Variants in PEX5L observed in about 807,000 individuals in gnomAD.
The protein encoded by PEX5L is PEX5-related protein.
PEX5L carries 30 observed loss-of-function variants against 84.0 expected under a neutral mutation model. The ratio of observed to expected loss-of-function variants is 0.36; its 90% confidence interval spans 0.27 to 0.48. The LOEUF (loss-of-function observed/expected upper bound fraction) is 0.48, where lower values mean the gene tolerates loss of function less well. PEX5L is among the 20% of genes least tolerant of loss of function. The pLI is 0.99. For synonymous variants in PEX5L, 270 were observed against 283.1 expected (o/e 0.95, Z 0.46); for missense variants, 533 against 754.6 (o/e 0.71, Z 3.44).
At chr3:179,818,252 TTC>T (rs1726937071) in intron 9 of PEX5L, among the ~76,000 whole-genome samples, 1 of 151,884 alleles carries the variant, frequency 6.6e-6, no homozygotes. Flanking sequence ...TATATAGTTT[TTC>T]TTTTATTCTT....
intron 1 of PEX5L, among the ~76,000 whole-genome samples, chr3:180,001,682 CTA>C (rs1788432579): frequency 6.6e-6 from 1 of 151,982 alleles, no homozygotes; most frequent in Non-Finnish European, 1.5e-5. Context: ...TTTTAATAAA[CTA>C]TTTTATGCAT....
At chr3:179,903,895 A>T (rs1428398896) in intron 2 of PEX5L, among the ~76,000 whole-genome samples, 1 of 152,252 alleles carries the variant, frequency 6.6e-6, no homozygotes, top group Non-Finnish European at 1.5e-5. Context: ...AAATTTTGAC[A>T]TACTGGTCAA....
chr3:179,948,529 C>T (rs1372542976), intron 2 of PEX5L, among the ~76,000 whole-genome samples: 1 of 152,172 alleles, frequency 6.6e-6, no homozygotes, highest in African/African-American at 2.4e-5. Flanking sequence ...AACAGGAAGG[C>T]AGCATGGGAG....
At chr3:179,942,968 T>A (rs1776560591) in intron 2 of PEX5L, among the ~76,000 whole-genome samples, 1 of 152,234 alleles carries the variant, frequency 6.6e-6, no homozygotes, top group Non-Finnish European at 1.5e-5. Context: ...TGCAGTAATG[T>A]CCTCTGAACC....
chr3:180,013,085 A>C (rs1251759765), intron 1 of PEX5L, among the ~76,000 whole-genome samples: 1 of 152,196 alleles, frequency 6.6e-6, no homozygotes, highest in Admixed American at 6.5e-5. Flanking sequence ...CATTTTAGGA[A>C]AAGTGATCAG....
intron 2 of PEX5L, among the ~76,000 whole-genome samples, chr3:179,952,538 A>G (rs1415197778): frequency 6.6e-6 from 1 of 152,116 alleles, no homozygotes; most frequent in Non-Finnish European, 1.5e-5. Context: ...CATACATCGT[A>G]TCTATTCAAC....
chr3:179,956,588 T>G (rs1486511943), intron 2 of PEX5L, among the ~76,000 whole-genome samples: 2 of 152,210 alleles, frequency 1.3e-5, no homozygotes, highest in African/African-American at 4.8e-5. Flanking sequence ...CTAAGTTTCA[T>G]GTGGCTGTAA....
In PEX5L at chr3:180,036,060, T is replaced by C. The variant is rs116561483; in HGVS notation, c.21+519A>G. ...ATCCTCCCAAGTCATCCTGTGACTA[T>C]TGGAGTAGATGGCAATGTCCCATAA... On this transcript the variant is annotated intron_variant, in intron 1 of 14. Coordinates refer to ENST00000467460, the MANE Select transcript of PEX5L (RefSeq NM_016559.3). Among the ~76,000 whole-genome samples the C allele has an allele frequency of 4.5e-3, 692 of 152,338 alleles. 6 individuals are homozygous for C. The highest frequency in any genetic ancestry group is 0.016 in the African/African-American group (658 of 41,578).
chr3:179,902,662 A>T (rs1560617421), intron 2 of PEX5L: 1 of 456,566 alleles, frequency 2.2e-6, no homozygotes, highest in Non-Finnish European at 4.4e-6. Flanking sequence ...TTTTACTAAG[A>T]CTTTCTTGAG....
intron 2 of PEX5L, among the ~76,000 whole-genome samples, chr3:179,957,259 G>A (rs1205269254): frequency 1.3e-5 from 2 of 152,142 alleles, no homozygotes; most frequent in Non-Finnish European, 1.5e-5. Context: ...CAAAATTTCT[G>A]GAGAAAGGTT....
intron 3 of PEX5L, among the ~76,000 whole-genome samples, chr3:179,897,132 G>A (rs1056287401): frequency 6.6e-6 from 1 of 152,108 alleles, no homozygotes; most frequent in Middle Eastern, 3.2e-3. Flanking sequence ...AGCTGGGGAT[G>A]AGATCCGCTG....
intron 7 of PEX5L, among the ~76,000 whole-genome samples, chr3:179,859,662 TTC>T (rs1309225171): frequency 6.6e-6 from 1 of 152,216 alleles, no homozygotes; most frequent in African/African-American, 2.4e-5. Context: ...TCATGCATAG[TTC>T]TCTTCCTTCT....
Position 179,840,346 on chromosome 3 carries a change from G to C in PEX5L, c.822+18716C>G, listed in dbSNP as rs138543192. On this transcript the variant is annotated intron_variant, in intron 8 of 14. Coordinates refer to ENST00000467460, the MANE Select transcript of PEX5L (RefSeq NM_016559.3). Reference sequence around the variant, plus strand: ...TGGGATTATAGGCATGTGCCACCATGCCTAGCTAATTTTTGTGTTTTCAGT... The same window carrying C: ...TGGGATTATAGGCATGTGCCACCATCCCTAGCTAATTTTTGTGTTTTCAGT... 1.8e-4 allele frequency among the ~76,000 whole-genome samples: 28 copies of C among 151,870 alleles called. No individual in the cohort carries two copies. The East Asian group carries it at 5.4e-3, about 30-fold the overall frequency.
intron 6 of PEX5L, 136 bp from the exon 7 acceptor site, chr3:179,874,559 T>C: frequency 1.8e-6 from 1 of 545,794 alleles, no homozygotes; most frequent in East Asian, 3.1e-5. Context: ...ATGATAGAGA[T>C]AAGTTTCATG....
chr3:179,854,673 TAC>T (rs1202793402), intron 8 of PEX5L, among the ~76,000 whole-genome samples: 1 of 152,174 alleles, frequency 6.6e-6, no homozygotes, highest in Non-Finnish European at 1.5e-5. Context: ...GCGTTACCCA[TAC>T]AGAGTGATTA....
In PEX5L at chr3:179,799,606, C is replaced by A. The variant is rs1403095030; in HGVS notation, c.*2222G>T. The A allele has an allele frequency of 6.6e-6, 1 of 152,230 alleles. No individual in the cohort carries two copies. The highest frequency in any genetic ancestry group is 2.4e-5 in the African/African-American group (1 of 41,458). The allele number at this position is 152,230 out of a possible 1,614,324, so 9.4% of individuals were successfully genotyped here. ...ATAGAATGGCATCACAGAACACTTACAAAGTTTGCTTTGAATCCTTTGTTC... is the reference window on the plus strand; with the variant it reads ...ATAGAATGGCATCACAGAACACTTAAAAAGTTTGCTTTGAATCCTTTGTTC... On this transcript the variant is annotated 3_prime_UTR_variant, in exon 15 of 15. Transcript: ENST00000467460.
intron 2 of PEX5L, among the ~76,000 whole-genome samples, chr3:179,917,849 G>C (rs1269246413): frequency 6.6e-6 from 1 of 152,130 alleles, no homozygotes; most frequent in Non-Finnish European, 1.5e-5. Context: ...AGTAGAGACA[G>C]GGCTTCTCCA....
chr3:179,912,473 A>G (rs999335279), intron 2 of PEX5L, among the ~76,000 whole-genome samples: 1 of 152,110 alleles, frequency 6.6e-6, no homozygotes, highest in Admixed American at 6.6e-5. Context: ...TGTACAAAAA[A>G]TTAATCCTTT....
intron 2 of PEX5L, among the ~76,000 whole-genome samples, chr3:179,943,085 A>T (rs1308181222): frequency 6.6e-6 from 1 of 152,236 alleles, no homozygotes; most frequent in Non-Finnish European, 1.5e-5. Flanking sequence ...AAAGTAATGA[A>T]CTATATGAGT....
Sources: gnomAD v4.1 joint callset for allele counts (sites outside exome capture counted in the v4.1 genomes callset) on GRCh38, gnomAD v4.1.1 for gene constraint, MANE v1.5 for transcripts, NCBI Gene and HGNC (gene_info 2026-07-23, HGNC 2026-07-21) for gene names.